Variants in POLE observed in about 807,000 individuals in gnomAD.
POLE encodes the protein DNA polymerase epsilon catalytic subunit A.
In POLE, 188 loss-of-function variants were observed where a neutral mutation model predicts 279.2. That is an observed-to-expected ratio of 0.67 (90% CI 0.60 to 0.76). The LOEUF is 0.76. Among genes scored for constraint, POLE ranks in the 30% least tolerant of loss-of-function variants. The pLI, the probability that POLE is intolerant of heterozygous loss-of-function variation, is 0.00. For synonymous variants in POLE, 1,214 were observed against 1,172.5 expected, an observed-to-expected ratio of 1.04 and a Z score of -0.72; for missense variants, 2,703 against 3,016.7, an observed-to-expected ratio of 0.90 and a Z score of 2.44.
rs1801071222 is a variant in POLE, at chr12:132,675,597, G to C, written c.1107-80C>G. Reference sequence around the variant, plus strand: ...TTTCTCCATTCCTCCCTCAGACCCAGGGAGGAACCCAGACACGGGAGGTGC... The same window carrying C: ...TTTCTCCATTCCTCCCTCAGACCCACGGAGGAACCCAGACACGGGAGGTGC... On this transcript the variant is annotated intron_variant, in intron 11 of 48. Transcript: ENST00000320574. The surrounding 1 kb of genome is among the most constrained non-coding windows in gnomAD (Gnocchi z 4.3). The C allele has an allele frequency of 5.0e-6, 8 of 1,599,764 alleles. No homozygotes were observed. The highest frequency in any genetic ancestry group is 6.0e-6 in the Non-Finnish European group (7 of 1,171,622).
intron 29 of POLE, among the ~76,000 whole-genome samples, chr12:132,654,095 T>C (rs1448644862): frequency 1.3e-5 from 2 of 152,182 alleles, no homozygotes; most frequent in Non-Finnish European, 2.9e-5. Context: ...GGCCCGTAAC[T>C]TTCCTTTCCT....
chr12:132,646,404 T>C (rs138649366), intron 32 of POLE, among the ~76,000 whole-genome samples: 2 of 152,178 alleles, frequency 1.3e-5, no homozygotes, highest in East Asian at 1.9e-4. Context: ...CTTAACTATA[T>C]GTAAATTACA....
rs2135996751 is a variant in POLE, at chr12:132,673,252, T to A, written c.1385A>T (p.Asp462Val). Reference protein sequence around the residue: ...PQTLATYSVSDAVATYYLYMK... With the variant: ...PQTLATYSVSVAVATYYLYMK... ...GTACAGGTAGTAAGTGGCGACAGCA[T>A]CTGACACAGAATACGTGGCCAGAGT... The change falls in exon 14 of 49, where the codon GAT becomes GTT. Residue 462 changes from aspartate (D) to valine (V), a missense_variant. Asp to Val is a radical substitution (Grantham distance 152). This residue lies in a region of POLE where 1,011 missense variants were observed against 1,111.7 expected (regional missense o/e 0.91). Transcript: ENST00000320574. 6.2e-7 allele frequency: 1 copy of A among 1,612,730 alleles called. No homozygotes were observed. Among genetic ancestry groups the A allele is most frequent in the Non-Finnish European group, 8.5e-7 (1 of 1,178,696 alleles).
chr12:132,678,597 A>C (rs902773771), intron 6 of POLE, among the ~76,000 whole-genome samples: 1 of 152,152 alleles, frequency 6.6e-6, no homozygotes, highest in African/African-American at 2.4e-5. Context: ...AGTAAATAGA[A>C]GAAAAAAGAA....
chr12:132,657,435 T>A lies in POLE; in HGVS notation c.3379-6A>T, dbSNP rs754281673. ...TAGTAGTCCCAATCCAGAATCTGCA[T>A]GTGCAGGAAACGGGCACAGAGAACA... On this transcript the variant is annotated splice_polypyrimidine_tract_variant and splice_region_variant and intron_variant, in intron 27 of 48. Coordinates refer to ENST00000320574, the MANE Select transcript of POLE (RefSeq NM_006231.4). 6.2e-7 allele frequency: 1 copy of A among 1,613,800 alleles called. No homozygotes were observed. The highest frequency in any genetic ancestry group is 1.7e-5 in the Admixed American group (1 of 60,002).
At chr12:132,663,817 A>G (rs1475746657) in intron 23 of POLE, among the ~76,000 whole-genome samples, 187 bp downstream of exon 23, 1 of 152,252 alleles carries the variant, frequency 6.6e-6, no homozygotes. Flanking sequence ...TCTGGGAGCT[A>G]TGCTGAAAGA....
At chr12:132,670,694 C>G (rs181387317) in intron 16 of POLE, among the ~76,000 whole-genome samples, 23 of 152,068 alleles carry the variant, frequency 1.5e-4, no homozygotes, top group African/African-American at 5.3e-4. Flanking sequence ...GGGGTTTCAC[C>G]GTGTTAGCCA....
At position 132,668,013 on chromosome 12, in the gene POLE, G is replaced by A. The variant is rs1453538422; in HGVS notation, c.2173+343C>T. ...TGGGAGGATTGCCGGTGCCTGGGAGGTTGAGGCTGCAGTGAGCCAAGATCA... is the reference window on the plus strand; with the variant it reads ...TGGGAGGATTGCCGGTGCCTGGGAGATTGAGGCTGCAGTGAGCCAAGATCA... On this transcript the variant is annotated intron_variant, in intron 19 of 48. Transcript: ENST00000320574. This position sits in a 1 kb window ranked among gnomAD's most constrained non-coding sequence, Gnocchi z 4.0. 6.6e-6 allele frequency among the ~76,000 whole-genome samples: 1 copy of A among 152,068 alleles called. No homozygotes were observed. The highest frequency in any genetic ancestry group is 1.9e-4 in the East Asian group (1 of 5,188).
At chr12:132,627,635 T>C (rs188103559) in intron 45 of POLE, among the ~76,000 whole-genome samples, 1 of 152,340 alleles carries the variant, frequency 6.6e-6, no homozygotes, top group Admixed American at 6.5e-5. Context: ...GTCTATTAAG[T>C]GCATAACAGC....
At chr12:132,660,919 C>T (rs2138687524) in intron 25 of POLE, 50 bp downstream of exon 25, 1 of 1,467,820 alleles carries the variant, frequency 6.8e-7, no homozygotes, top group Non-Finnish European at 9.1e-7. Flanking sequence ...CCCCTTCTTG[C>T]TTCATCCTTC....
At chr12:132,636,697 G>A (rs1190241285) in intron 41 of POLE, among the ~76,000 whole-genome samples, 1 of 152,162 alleles carries the variant, frequency 6.6e-6, no homozygotes, top group African/African-American at 2.4e-5. Context: ...TGAGGCCGCA[G>A]TGAGCCATGA....
In POLE at chr12:132,634,048, A is replaced by G. The variant is rs2041986056; in HGVS notation, c.6004+138T>C. On this transcript the variant is annotated intron_variant, in intron 43 of 48. Coordinates refer to ENST00000320574, the MANE Select transcript of POLE (RefSeq NM_006231.4). The surrounding 1 kb of genome is among the most constrained non-coding windows in gnomAD (Gnocchi z 4.0). ...TGGAGAGGAGGCCCCTCGGCTCACAAAGTCCCAACTGCTGGGCAGGCTCCG... is the reference window on the plus strand; with the variant it reads ...TGGAGAGGAGGCCCCTCGGCTCACAGAGTCCCAACTGCTGGGCAGGCTCCG... 1.3e-6 allele frequency: 1 copy of G among 765,040 alleles called. No homozygotes were observed. The highest frequency in any genetic ancestry group is 2.1e-6 in the Non-Finnish European group (1 of 468,344). The allele number at this position is 765,040 out of a possible 1,614,324, so 47.4% of individuals were successfully genotyped here.
intron 21 of POLE, 60 bp downstream of exon 21, chr12:132,665,241 GC>G: frequency 6.5e-7 from 1 of 1,539,322 alleles, no homozygotes; most frequent in Non-Finnish European, 8.9e-7. Context: ...ACCTGAAGCT[GC>G]CCTAAACGTG....
At chr12:132,680,893 C>T (rs2043152077) in intron 2 of POLE, 1 of 627,732 alleles carries the variant, frequency 1.6e-6, no homozygotes, top group Non-Finnish European at 2.8e-6. Context: ...CAATTTCTCC[C>T]TCATAATCCT....
chr12:132,627,846 C>T (rs2041865995), intron 45 of POLE, among the ~76,000 whole-genome samples: 1 of 152,128 alleles, frequency 6.6e-6, no homozygotes, highest in Admixed American at 6.5e-5. Context: ...AACAAGACAA[C>T]AATGAAGTTT....
chr12:132,681,080 G>C (rs1484744898), intron 2 of POLE, 58 bp downstream of exon 2: 12 of 1,597,132 alleles, frequency 7.5e-6, no homozygotes, highest in Non-Finnish European at 1.0e-5. Flanking sequence ...TAAGGACCAC[G>C]CTATGACCAG....
In POLE at chr12:132,677,699, A is replaced by G. The variant is rs2136021421; in HGVS notation, c.599T>C (p.Val200Ala). 1 of 1,614,106 alleles carries G rather than the reference A, an allele frequency of 6.2e-7. No individual in the cohort carries two copies. The highest frequency in any genetic ancestry group is 8.5e-7 in the Non-Finnish European group (1 of 1,180,012). ...LLSSVLQRGG[V>A]ITDEEETSKK... ...AGAGGTTTCCTCTTCATCAGTAATG[A>G]CACCGCCCCTCTGCAGAACACTAGG... Residue 200 changes from valine to alanine, a missense_variant, in exon 7 of 49, where the codon GTC becomes GCC. Coordinates refer to ENST00000320574, the MANE Select transcript of POLE (RefSeq NM_006231.4).
chr12:132,633,970 G>T, intron 43 of POLE: 2 of 484,998 alleles, frequency 4.1e-6, no homozygotes, highest in Non-Finnish European at 7.3e-6. Flanking sequence ...GCAAAGGCTG[G>T]AGGGAAGACA....
In POLE at chr12:132,659,279, T is replaced by C. The variant is rs5744858; in HGVS notation, c.3275+16A>G. Reference sequence around the variant, plus strand: ...GGGAGGAGCCCTCACCTCTCCGTGATGGGGGGAGCCCTCACCTCTCCGTGA... The same window carrying C: ...GGGAGGAGCCCTCACCTCTCCGTGACGGGGGGAGCCCTCACCTCTCCGTGA... On this transcript the variant is annotated intron_variant, in intron 26 of 48. Transcript: ENST00000320574. 128 of 1,607,094 alleles carry C rather than the reference T, an allele frequency of 8.0e-5. No individual in the cohort carries two copies. The highest frequency in any genetic ancestry group is 9.6e-5 in the Non-Finnish European group (113 of 1,175,530).
Sources: allele counts gnomAD v4.1 joint callset (sites outside exome capture counted in the v4.1 genomes callset), GRCh38; gene constraint gnomAD v4.1.1; regional missense constraint gnomAD v4.1.1; non-coding constraint Gnocchi (gnomAD v3.1); transcripts MANE v1.5; gene names NCBI Gene and HGNC (gene_info 2026-07-23, HGNC 2026-07-21).